The following DIP2C variants were observed in gnomAD, a reference collection of about 807,000 sequenced individuals.
The protein encoded by DIP2C is disco-interacting protein 2 homolog C.
Under a neutral mutation model 192.4 loss-of-function variants are expected in DIP2C, and 33 were observed. The ratio of observed to expected loss-of-function variants is 0.17; its 90% CI spans 0.13 to 0.23. The LOEUF is 0.23. Among genes scored for constraint, DIP2C ranks in the 10% least tolerant of loss-of-function variants. The pLI is 1.00. For missense variants in DIP2C, 1,537 were observed against 2,110.1 expected (o/e 0.73, Z 5.32); for synonymous variants, 979 against 864.1 (o/e 1.13, Z -2.33).
intron 1 of DIP2C, among the ~76,000 whole-genome samples, chr10:496,591 TA>T (rs1844854246): frequency 6.7e-6 from 1 of 148,692 alleles, no homozygotes; most frequent in African/African-American, 2.5e-5. Context: ...CCTGTGTACT[TA>T]AAATCTGTAC....
chr10:311,697 G>T, intron 31 of DIP2C: 1 of 664,116 alleles, frequency 1.5e-6, no homozygotes, highest in Non-Finnish European at 2.1e-6. Flanking sequence ...GAGGGGTGGG[G>T]AGGAGAATGC....
chr10:594,558 T>C (rs1851591938), intron 1 of DIP2C, among the ~76,000 whole-genome samples: 1 of 152,062 alleles, frequency 6.6e-6, no homozygotes, highest in South Asian at 2.1e-4. Flanking sequence ...TAAGAGAACA[T>C]GGCTGAGTAC....
chr10:392,722 GCCCAGGTACACACGCGCA>G (rs1963571844), intron 10 of DIP2C, among the ~76,000 whole-genome samples: 1 of 136,136 alleles, frequency 7.3e-6, no homozygotes. Flanking sequence ...GTACACACGC[GCCCAGGTACACACGCGCA>G]CACACTCACA....
intron 3 of DIP2C, among the ~76,000 whole-genome samples, chr10:471,138 T>G (rs1024078717): frequency 6.6e-6 from 1 of 152,092 alleles, no homozygotes; most frequent in East Asian, 1.9e-4. Flanking sequence ...CTTCATTCCA[T>G]CCGCACACAT....
chr10:529,434 G>C (rs939941922), intron 1 of DIP2C, among the ~76,000 whole-genome samples: 1 of 151,988 alleles, frequency 6.6e-6, no homozygotes, highest in African/African-American at 2.4e-5. Flanking sequence ...ACGTTGCCAT[G>C]CTCCTGTCAC....
intron 9 of DIP2C, among the ~76,000 whole-genome samples, chr10:405,575 G>A (rs1283880373): frequency 6.6e-6 from 1 of 152,186 alleles, no homozygotes. Context: ...TTCAGTATTT[G>A]AATCAGTCAC....
At position 572,052 on chromosome 10, in the gene DIP2C, GGT is replaced by G. The variant is rs1376311966; in HGVS notation, c.86-85524_86-85523del. On this transcript the variant is annotated intron_variant, in intron 1 of 36. Coordinates refer to ENST00000280886, the MANE Select transcript of DIP2C (RefSeq NM_014974.3). ...ACTGAATTCTGCCCGAGGCTCTAGG[GGT>G]GTTTTCCTCTCTGAAAGGAGACCCT... 4.6e-5 allele frequency among the ~76,000 whole-genome samples: 7 copies of G among 152,318 alleles called. No individual in the cohort carries two copies. The East Asian group carries it at 1.4e-3, about 29-fold the overall frequency.
At chr10:635,994 G>A (rs559713847) in intron 1 of DIP2C, among the ~76,000 whole-genome samples, 1 of 152,310 alleles carries the variant, frequency 6.6e-6, no homozygotes, top group South Asian at 2.1e-4. Context: ...CGTTACCACA[G>A]ATGCTGAGGC....
chr10:383,965 A>G (rs1962621532), intron 16 of DIP2C, 62 bp downstream of exon 16: 75 of 22,740 alleles, frequency 3.3e-3, no homozygotes, highest in East Asian at 5.7e-3. Flanking sequence ...TGCCTCACGA[A>G]AAAAAAAAAA....
At position 602,793 on chromosome 10, in the gene DIP2C, C is replaced by G. The variant is rs11253276; in HGVS notation, c.85+86701G>C. 4.5e-3 allele frequency among the ~76,000 whole-genome samples: 688 copies of G among 152,284 alleles called. 7 individuals carry two copies. The highest frequency in any genetic ancestry group is 8.0e-3 in the Admixed American group (123 of 15,308). On this transcript the variant is annotated intron_variant, in intron 1 of 36. Coordinates refer to ENST00000280886, the MANE Select transcript of DIP2C (RefSeq NM_014974.3). Reference sequence around the variant, plus strand: ...AAACGGGGTTCACAAGGAATTCTACCCAGAACCAGGGTGTCGATCCTTTTT... The same window carrying G: ...AAACGGGGTTCACAAGGAATTCTACGCAGAACCAGGGTGTCGATCCTTTTT...
In DIP2C at chr10:310,021, T is replaced by C. The variant is rs1314029283; in HGVS notation, c.3986+10A>G. 8.7e-6 allele frequency: 14 copies of C among 1,613,278 alleles called. No individual in the cohort carries two copies. The Admixed American group carries it at 1.3e-4, about 15-fold the overall frequency. On this transcript the variant is annotated intron_variant, in intron 32 of 36. Transcript: ENST00000280886. Reference sequence around the variant, plus strand: ...AGGAAAAAAAGAAAAAACCCAGAAGTGTACAGTACCTGTCGTGTCTCAGGG... The same window carrying C: ...AGGAAAAAAAGAAAAAACCCAGAAGCGTACAGTACCTGTCGTGTCTCAGGG...
At chr10:569,882 G>A (rs912341663) in intron 1 of DIP2C, among the ~76,000 whole-genome samples, 9 of 152,090 alleles carry the variant, frequency 5.9e-5, no homozygotes, top group African/African-American at 2.2e-4. Context: ...AAGCCATCTG[G>A]GTTTACCTTC....
chr10:447,375 C>T (rs1440074124), intron 3 of DIP2C, among the ~76,000 whole-genome samples: 3 of 146,784 alleles, frequency 2.0e-5, no homozygotes, highest in Admixed American at 6.7e-5. Flanking sequence ...TCACCCCTGT[C>T]GATACTCAGG....
intron 32 of DIP2C, among the ~76,000 whole-genome samples, chr10:293,210 G>A (rs992174926): frequency 1.3e-5 from 2 of 152,190 alleles, no homozygotes; most frequent in South Asian, 2.1e-4. Flanking sequence ...GACCTGAAGG[G>A]TCCAGCATCC....
At chr10:357,794 G>T (rs781185817) in intron 23 of DIP2C, 34 bp downstream of exon 23, 2 of 1,542,868 alleles carry the variant, frequency 1.3e-6, no homozygotes, top group African/African-American at 1.4e-5. Flanking sequence ...AAAAGTCGGG[G>T]ACGGTCGGGG....
intron 32 of DIP2C, among the ~76,000 whole-genome samples, chr10:290,675 G>A (rs538553832): frequency 2.9e-4 from 44 of 152,294 alleles, no homozygotes; most frequent in Non-Finnish European, 4.9e-4. Context: ...CCGGGGCAGC[G>A]GTGAGAAAGG....
At chr10:319,760 T>C (rs1225967793) in intron 31 of DIP2C, among the ~76,000 whole-genome samples, 4 of 152,248 alleles carry the variant, frequency 2.6e-5, no homozygotes, top group Non-Finnish European at 4.4e-5. Flanking sequence ...CTAAAGGTAC[T>C]GGGAAATGTT....
chr10:433,743 G>C (rs1356625325), intron 4 of DIP2C, among the ~76,000 whole-genome samples: 1 of 151,866 alleles, frequency 6.6e-6, no homozygotes, highest in Non-Finnish European at 1.5e-5. Context: ...CTTTACTCTT[G>C]ATCTATATAT....
At chr10:376,351 CGG>C (rs1278424391) in intron 17 of DIP2C, among the ~76,000 whole-genome samples, 1 of 152,120 alleles carries the variant, frequency 6.6e-6, no homozygotes, top group Non-Finnish European at 1.5e-5. Context: ...CCGACGGAGC[CGG>C]CACAGAGCAA....
Sources: gnomAD v4.1 joint callset for allele counts (sites outside exome capture counted in the v4.1 genomes callset) on GRCh38, gnomAD v4.1.1 for gene constraint, MANE v1.5 for transcripts, NCBI Gene and HGNC (gene_info 2026-07-23, HGNC 2026-07-21) for gene names.